The following P4HA1 variants were observed in gnomAD, a reference collection of about 807,000 sequenced individuals.
P4HA1 encodes prolyl 4-hydroxylase subunit alpha 1, also known as prolyl 4-hydroxylase subunit alpha-1.
Under a neutral mutation model 72.8 loss-of-function variants are expected in P4HA1, and 24 were observed. The ratio of observed to expected loss-of-function variants is 0.33; its 90% CI spans 0.24 to 0.46. The LOEUF (loss-of-function observed/expected upper bound fraction) is 0.46, where lower values mean the gene tolerates loss of function less well. Ranked by LOEUF, P4HA1 falls within the 20% of genes least tolerant of loss-of-function variation. The probability of loss-of-function intolerance (pLI) is 1.00; values close to 1 mark genes in which losing one functional copy is unlikely to be tolerated. For synonymous variants in P4HA1, 201 were observed against 218.8 expected, an observed-to-expected ratio of 0.92 and a Z score of 0.72; for missense variants, 446 against 640.6, an observed-to-expected ratio of 0.70 and a Z score of 3.28.
At chr10:73,032,716 T>TACC (rs1554839047) in intron 9 of P4HA1, among the ~76,000 whole-genome samples, 1 of 152,224 alleles carries the variant, frequency 6.6e-6, no homozygotes, top group African/African-American at 2.4e-5. Context: ...AGCTTTCCTT[T>TACC]ACCTCTCCCG....
At chr10:73,061,847 C>T (rs935568356) in intron 5 of P4HA1, among the ~76,000 whole-genome samples, 1 of 152,044 alleles carries the variant, frequency 6.6e-6, no homozygotes, top group Non-Finnish European at 1.5e-5. Flanking sequence ...AGCAATAGCA[C>T]ATCTCTGCAA....
intron 1 of P4HA1, among the ~76,000 whole-genome samples, chr10:73,093,575 T>C (rs1281675628): frequency 6.6e-6 from 1 of 151,674 alleles, no homozygotes; most frequent in Non-Finnish European, 1.5e-5. Context: ...CACGGTGGCG[T>C]GATCACACCT....
rs145595893 is a variant in P4HA1, at chr10:73,066,261, G to A, written c.463+2585C>T. On this transcript the variant is annotated intron_variant, in intron 5 of 14. Coordinates refer to ENST00000394890, the MANE Select transcript of P4HA1 (RefSeq NM_001017962.3). ...CAGTTATTCTACTTATAAGGAATTT[G>A]CCTGAAAGAAAAGTCAATAAGAACT... Among the ~76,000 whole-genome samples the A allele has an allele frequency of 9.9e-5, 15 of 152,136 alleles. No individual in the cohort carries two copies. In the East Asian group the frequency reaches 2.5e-3, roughly 26 times the overall value.
At chr10:73,014,182 A>G in intron 12 of P4HA1, 42 bp downstream of exon 12, 1 of 1,292,532 alleles carries the variant, frequency 7.7e-7, no homozygotes, top group Non-Finnish European at 1.1e-6. Context: ...GAATCTTGTC[A>G]TCAAATCCCA....
At chr10:73,014,139 G>A in intron 12 of P4HA1, 85 bp downstream of exon 12, 1 of 917,668 alleles carries the variant, frequency 1.1e-6, no homozygotes, top group South Asian at 1.4e-5. Context: ...TGCTGAATCA[G>A]AGCTACACAG....
At chr10:73,063,945 C>G (rs977814355) in intron 5 of P4HA1, among the ~76,000 whole-genome samples, 1 of 151,596 alleles carries the variant, frequency 6.6e-6, no homozygotes, top group African/African-American at 2.4e-5. Context: ...GGCAAGAAAA[C>G]AAAGAAGAAA....
At chr10:73,024,466 C>A (rs150297645) in intron 10 of P4HA1, among the ~76,000 whole-genome samples, 2,026 of 152,262 alleles carry the variant, frequency 0.013, 16 homozygotes, top group Non-Finnish European at 0.023. Context: ...CACAACGTAC[C>A]AGAATCTCTG....
At chr10:73,070,649 C>T (rs891318865) in intron 4 of P4HA1, among the ~76,000 whole-genome samples, 8 of 151,964 alleles carry the variant, frequency 5.3e-5, no homozygotes, top group African/African-American at 1.4e-4. Flanking sequence ...TTTAGTTTTA[C>T]GACCAACTCT....
intron 9 of P4HA1, among the ~76,000 whole-genome samples, chr10:73,030,939 C>T (rs1025713078): frequency 6.6e-6 from 1 of 152,180 alleles, no homozygotes; most frequent in Non-Finnish European, 1.5e-5. Context: ...GGGGCAGCCA[C>T]TTTGGAAAAC....
At chr10:73,048,668 T>A (rs1353701912) in intron 7 of P4HA1, among the ~76,000 whole-genome samples, 3 of 152,202 alleles carry the variant, frequency 2.0e-5, no homozygotes, top group Non-Finnish European at 4.4e-5. Flanking sequence ...TTTTGTTCCT[T>A]AAGAGTTATT....
chr10:73,027,213 A>G (rs1465654671), intron 10 of P4HA1, among the ~76,000 whole-genome samples: 3 of 152,152 alleles, frequency 2.0e-5, no homozygotes, highest in Non-Finnish European at 4.4e-5. Context: ...GTCCATCAAT[A>G]ATAGACTGGA....
At chr10:73,062,350 CAT>C (rs1409168677) in intron 5 of P4HA1, among the ~76,000 whole-genome samples, 1 of 151,912 alleles carries the variant, frequency 6.6e-6, no homozygotes, top group African/African-American at 2.4e-5. Flanking sequence ...CAGAAAATCA[CAT>C]AGTTCCCTTT....
At chr10:73,089,653 C>T (rs1353595625) in intron 1 of P4HA1, among the ~76,000 whole-genome samples, 2 of 144,474 alleles carry the variant, frequency 1.4e-5, no homozygotes, top group East Asian at 4.1e-4. Context: ...AAACTATGAA[C>T]ACATAACAAC....
At chr10:73,074,748 C>T in intron 2 of P4HA1, 60 bp downstream of exon 2, 1 of 900,174 alleles carries the variant, frequency 1.1e-6, no homozygotes, top group South Asian at 1.4e-5. Flanking sequence ...TTTTAAAACA[C>T]TAAAAAATGG....
intron 1 of P4HA1, among the ~76,000 whole-genome samples, chr10:73,089,900 G>C (rs535090685): frequency 2.8e-4 from 43 of 152,306 alleles, no homozygotes; most frequent in African/African-American, 1.0e-3. Context: ...GCAGTAGCGT[G>C]ATCTTGGCTC....
intron 1 of P4HA1, among the ~76,000 whole-genome samples, chr10:73,089,727 A>G (rs1480608605): frequency 6.6e-6 from 1 of 151,202 alleles, no homozygotes; most frequent in African/African-American, 2.4e-5. Context: ...AAAAAAAAAA[A>G]GCGTATATAC....
intron 1 of P4HA1, among the ~76,000 whole-genome samples, chr10:73,078,489 T>C (rs533307066): frequency 6.6e-6 from 1 of 151,916 alleles, no homozygotes; most frequent in South Asian, 2.1e-4. Flanking sequence ...AAATTAACAC[T>C]GGTCAAAACG....
intron 10 of P4HA1, among the ~76,000 whole-genome samples, chr10:73,029,097 T>C (rs192832294): frequency 1.3e-5 from 2 of 151,942 alleles, no homozygotes; most frequent in African/African-American, 2.4e-5. Flanking sequence ...AGCTGCATAT[T>C]GACTGCATCT....
chr10:73,069,070 ATT>A, intron 4 of P4HA1, 87 bp from the exon 5 acceptor site: 1 of 1,007,224 alleles, frequency 9.9e-7, no homozygotes, highest in Non-Finnish European at 1.5e-6. Flanking sequence ...TTCAAAATCT[ATT>A]TTATTATTTT....
Sources: allele counts gnomAD v4.1 joint callset (sites outside exome capture counted in the v4.1 genomes callset), GRCh38; gene constraint gnomAD v4.1.1; transcripts MANE v1.5; gene names NCBI Gene and HGNC (gene_info 2026-07-23, HGNC 2026-07-21).